WSCD2: variants seen among roughly 807,000 people sequenced by gnomAD.
WSCD2 encodes the protein sialate:O-sulfotransferase 2.
In WSCD2, 28 loss-of-function variants were observed where a neutral mutation model predicts 55.7. The ratio of observed to expected loss-of-function variants is 0.50; its 90% CI spans 0.37 to 0.69. The LOEUF (loss-of-function observed/expected upper bound fraction) is 0.69. Among genes scored for constraint, WSCD2 ranks in the 30% least tolerant of loss-of-function variants. WSCD2 has a pLI of 0.00. For missense variants in WSCD2, 616 were observed against 762.1 expected, an observed-to-expected ratio of 0.81 and a Z score of 2.26; for synonymous variants, 301 against 301.9, an observed-to-expected ratio of 1.00 and a Z score of 0.03.
intron 1 of WSCD2, among the ~76,000 whole-genome samples, chr12:108,145,342 G>T (rs1592880454): frequency 6.6e-6 from 1 of 152,194 alleles, no homozygotes; most frequent in East Asian, 1.9e-4. Flanking sequence ...AAGGCTTTGT[G>T]ATTACAGCGT....
At chr12:108,245,838 A>G (rs1273723390) in intron 8 of WSCD2, among the ~76,000 whole-genome samples, 6 of 152,242 alleles carry the variant, frequency 3.9e-5, no homozygotes, top group Non-Finnish European at 7.3e-5. Context: ...TACATTATAA[A>G]TAATCTATTT....
chr12:108,189,452 C>G (rs185797695), intron 1 of WSCD2: 112 of 152,298 alleles, frequency 7.4e-4, no homozygotes, highest in African/African-American at 2.2e-3. Flanking sequence ...CATGTCTTGC[C>G]TGCCAACCAC....
chr12:108,165,270 G>A (rs994779781), intron 1 of WSCD2, among the ~76,000 whole-genome samples: 4 of 152,150 alleles, frequency 2.6e-5, no homozygotes, highest in Non-Finnish European at 5.9e-5. Context: ...TTCAGGTCCT[G>A]GTCATGTCCC....
At chr12:108,202,933 C>T (rs1884889432) in intron 2 of WSCD2, among the ~76,000 whole-genome samples, 1 of 152,224 alleles carries the variant, frequency 6.6e-6, no homozygotes, top group South Asian at 2.1e-4. Context: ...CTTCTCCCAA[C>T]GAACCACCCC....
At chr12:108,184,526 G>A (rs1882212063) in intron 1 of WSCD2, among the ~76,000 whole-genome samples, 1 of 152,304 alleles carries the variant, frequency 6.6e-6, no homozygotes, top group Non-Finnish European at 1.5e-5. Context: ...TTGCGGCTGG[G>A]AGCAATGGGG....
chr12:108,132,694 T>C (rs141798909), intron 1 of WSCD2, among the ~76,000 whole-genome samples: 305 of 152,346 alleles, frequency 2.0e-3, no homozygotes, highest in African/African-American at 7.1e-3. Context: ...AGGGGATCTG[T>C]GCAGAAATAT....
At chr12:108,148,917 G>A (rs1877678297) in intron 1 of WSCD2, among the ~76,000 whole-genome samples, 3 of 152,316 alleles carry the variant, frequency 2.0e-5, no homozygotes, top group South Asian at 4.1e-4. Flanking sequence ...CAGCAGATGT[G>A]GAGCTGGGCA....
intron 5 of WSCD2, among the ~76,000 whole-genome samples, chr12:108,225,310 A>G (rs1164613729): frequency 1.3e-5 from 2 of 152,200 alleles, no homozygotes; most frequent in African/African-American, 2.4e-5. Context: ...GCCCTTTTTA[A>G]AGATGTCAGA....
chr12:108,241,148 G>A (rs1277549992), intron 8 of WSCD2, among the ~76,000 whole-genome samples: 2 of 152,148 alleles, frequency 1.3e-5, no homozygotes, highest in African/African-American at 4.8e-5. Context: ...GGGTGGCGAG[G>A]CTCAGAGAGG....
chr12:108,165,265 G>T (rs1321719682), intron 1 of WSCD2, among the ~76,000 whole-genome samples: 1 of 152,190 alleles, frequency 6.6e-6, no homozygotes, highest in African/African-American at 2.4e-5. Flanking sequence ...CAGAGTTCAG[G>T]TCCTGGTCAT....
intron 1 of WSCD2, among the ~76,000 whole-genome samples, chr12:108,166,656 G>A (rs1477779238): frequency 6.6e-6 from 1 of 152,044 alleles, no homozygotes; most frequent in Non-Finnish European, 1.5e-5. Context: ...TTCCCTGTCA[G>A]ACCTACCTGT....
chr12:108,131,795 C>G (rs886279364), intron 1 of WSCD2: 4 of 152,244 alleles, frequency 2.6e-5, no homozygotes, highest in African/African-American at 7.2e-5. Context: ...TAGTGGGGAG[C>G]CCAGGGTGGT....
At chr12:108,215,305 G>C (rs1886697724) in intron 4 of WSCD2, among the ~76,000 whole-genome samples, 1 of 152,178 alleles carries the variant, frequency 6.6e-6, no homozygotes, top group Admixed American at 6.5e-5. Context: ...TCTCTCACCT[G>C]ATGGCTGTAT....
chr12:108,206,506 G>A (rs1885393092), intron 3 of WSCD2, 103 bp downstream of exon 3: 1 of 1,140,510 alleles, frequency 8.8e-7, no homozygotes, highest in Admixed American at 2.0e-5. Flanking sequence ...GTTGAAGGGT[G>A]AGCACGTGAC....
chr12:108,186,214 GC>G (rs1395163644), intron 1 of WSCD2, among the ~76,000 whole-genome samples: 1 of 152,050 alleles, frequency 6.6e-6, no homozygotes, highest in African/African-American at 2.4e-5. Flanking sequence ...CTTTTAAAAA[GC>G]CATTTTAGAT....
In WSCD2 at chr12:108,226,999, C is replaced by T; in HGVS notation, c.814C>T (p.Leu272=). The T allele has an allele frequency of 1.2e-6, 2 of 1,613,578 alleles. No homozygotes were observed. The highest frequency in any genetic ancestry group is 1.1e-5 in the South Asian group (1 of 91,014). ...VDFCTEKEYP[L]AALAGTACHC... is the part of the protein sequence containing the mutation. ...CCCACTCCATCCCCAGGAGTACCCG[C>T]TGGCAGCTCTTGCAGGCACCGCCTG... The change falls in exon 6 of 9, where the codon CTG becomes TTG. Residue 272 remains leucine, a synonymous_variant. Coordinates refer to ENST00000547525, the MANE Select transcript of WSCD2 (RefSeq NM_014653.4).
intron 1 of WSCD2, 137 bp downstream of exon 1, chr12:108,130,063 C>T (rs1282500320): frequency 6.6e-6 from 1 of 152,338 alleles, no homozygotes; most frequent in Non-Finnish European, 1.5e-5. Flanking sequence ...GGCTCGTCGT[C>T]CAGAGCCCGG....
chr12:108,195,794 C>T lies in WSCD2; in HGVS notation c.-39C>T. On this transcript the variant is annotated 5_prime_UTR_variant, in exon 2 of 9. Transcript: ENST00000547525. ...CCCTTCCATCCTCTCCCAAGCACCC[C>T]AGCCAAGCCCCAGAGAGCCAGTCCG... 6.4e-7 allele frequency: 1 copy of T among 1,562,370 alleles called. No homozygotes were observed. Among genetic ancestry groups the T allele is most frequent in the Non-Finnish European group, 8.7e-7 (1 of 1,152,452 alleles).
intron 1 of WSCD2, among the ~76,000 whole-genome samples, chr12:108,175,721 C>T (rs192872309): frequency 2.0e-4 from 30 of 152,356 alleles, no homozygotes; most frequent in South Asian, 2.1e-4. Flanking sequence ...ACCTTTCAGG[C>T]GCCTAGAATA....
Sources: gnomAD v4.1 joint callset for allele counts (sites outside exome capture counted in the v4.1 genomes callset) on GRCh38, gnomAD v4.1.1 for gene constraint, MANE v1.5 for transcripts, NCBI Gene and HGNC (gene_info 2026-07-23, HGNC 2026-07-21) for gene names.